MYO9B: variants seen among roughly 807,000 people sequenced by gnomAD.
MYO9B encodes the protein myosin IXB.
Under a neutral mutation model 229.5 loss-of-function variants are expected in MYO9B, and 71 were observed. The observed-to-expected ratio is 0.31, with a 90% CI of 0.26 to 0.38. The LOEUF (loss-of-function observed/expected upper bound fraction) is 0.38, where lower values mean the gene tolerates loss of function less well. MYO9B is among the 10% of genes least tolerant of loss of function. MYO9B has a pLI of 1.00. For missense variants in MYO9B, 2,255 were observed against 2,920.5 expected (o/e 0.77, Z 5.25); for synonymous variants, 1,185 against 1,235.8 (o/e 0.96, Z 0.86).
chr19:17,118,570 C>T (rs2057930315), intron 2 of MYO9B, among the ~76,000 whole-genome samples: 2 of 152,078 alleles, frequency 1.3e-5, no homozygotes, highest in South Asian at 4.1e-4. Flanking sequence ...AAACCTCCGC[C>T]TCCCAGGTTC....
At chr19:17,119,702 A>G (rs2057942935) in intron 2 of MYO9B, among the ~76,000 whole-genome samples, 1 of 152,062 alleles carries the variant, frequency 6.6e-6, no homozygotes, top group South Asian at 2.1e-4. Context: ...CCCAGGCTGG[A>G]GTGCAGTGGC....
rs1163523942 is a variant in MYO9B at position 17,173,094 on chromosome 19, C to T, written c.2140+131C>T. On this transcript the variant is annotated intron_variant, in intron 13 of 39. Transcript: ENST00000682292. ...TGTTGTGCAAACGCCACCTGTCTACCTGAAGTGTTCCTGTCACCCTGAACA... is the reference window on the plus strand; with the variant it reads ...TGTTGTGCAAACGCCACCTGTCTACTTGAAGTGTTCCTGTCACCCTGAACA... The T allele has an allele frequency of 4.5e-6, 5 of 1,123,334 alleles. No homozygotes were observed. The East Asian group carries it at 1.3e-4, about 29-fold the overall frequency. The allele number at this position is 1,123,334 out of a possible 1,614,324, so 69.6% of individuals were successfully genotyped here. A position where few individuals can be genotyped will look rare whatever the true frequency, so the allele number is the denominator to read the frequency against.
intron 2 of MYO9B, among the ~76,000 whole-genome samples, chr19:17,121,162 C>T (rs1323420641): frequency 1.3e-5 from 2 of 152,122 alleles, no homozygotes; most frequent in Non-Finnish European, 1.5e-5. Context: ...AGCCTGGTCT[C>T]GAACTCCTGG....
At chr19:17,142,868 G>A (rs1426902158) in intron 2 of MYO9B, among the ~76,000 whole-genome samples, 1 of 152,278 alleles carries the variant, frequency 6.6e-6, no homozygotes, top group South Asian at 2.1e-4. Flanking sequence ...CCCACAGGGT[G>A]TGGCTTACCC....
chr19:17,101,136 G>C lies in MYO9B; in HGVS notation c.-58-524G>C, dbSNP rs1307351654. The stretch of plus-strand genomic sequence containing the variant: ...GGGATGGAGCAAACTCAGGGGAAGG[G>C]TCAGGTCTTGGGGTTGTCTGATGAT... On this transcript the variant is annotated intron_variant, in intron 1 of 39. Coordinates refer to ENST00000682292, the MANE Select transcript of MYO9B (RefSeq NM_004145.4). This position sits in a 1 kb window ranked among gnomAD's most constrained non-coding sequence, Gnocchi z 4.7. Among the ~76,000 whole-genome samples, 1 of 151,426 alleles carries C rather than the reference G, an allele frequency of 6.6e-6. No individual in the cohort carries two copies. The highest frequency in any genetic ancestry group is 1.5e-5 in the Non-Finnish European group (1 of 67,908).
intron 2 of MYO9B, among the ~76,000 whole-genome samples, chr19:17,128,213 C>T (rs932963296): frequency 2.9e-5 from 3 of 102,722 alleles, no homozygotes; most frequent in African/African-American, 4.4e-5. Flanking sequence ...CCTATCTATA[C>T]TGAAAAAAAA....
chr19:17,093,695 G>T (rs1212204918), intron 1 of MYO9B, among the ~76,000 whole-genome samples: 6 of 28,166 alleles, frequency 2.1e-4, no homozygotes, highest in Admixed American at 1.7e-3. Context: ...GCGGGGGGTG[G>T]GGGGGGGGGT....
rs1484505855 is a variant in MYO9B at position 17,209,618 on chromosome 19, G to C, written c.5657G>C (p.Arg1886Thr). 1.2e-6 allele frequency: 2 copies of C among 1,604,644 alleles called. No individual in the cohort carries two copies. Among genetic ancestry groups the C allele is most frequent in the African/African-American group, 1.3e-5 (1 of 74,818 alleles). ...GAGATGCTGATCAAGGAGCAGATGA[G>C]GAAATACAAAGTGAAGATGGAGGAG... The part of the protein sequence containing the change: ...CVEMLIKEQM[R>T]KYKVKMEEIS... Residue 1886 changes from arginine to threonine, a missense_variant, in exon 36 of 40, where the codon AGG (arginine) becomes ACG (threonine). Arg to Thr is a moderately conservative substitution (Grantham distance 71). Transcript: ENST00000682292.
intron 15 of MYO9B, among the ~76,000 whole-genome samples, chr19:17,182,764 C>T (rs1369774586): frequency 6.6e-6 from 1 of 152,142 alleles, no homozygotes; most frequent in Non-Finnish European, 1.5e-5. Context: ...TACAAGTTAC[C>T]ATCTCCTTAG....
intron 1 of MYO9B, among the ~76,000 whole-genome samples, chr19:17,093,042 T>C (rs2057653871): frequency 1.3e-5 from 2 of 152,146 alleles, no homozygotes; most frequent in Non-Finnish European, 2.9e-5. Context: ...GATTAAGACA[T>C]GTATCTTGGC....
Position 17,167,932 on chromosome 19 carries a change from C to T in MYO9B, c.1672-11C>T, listed in dbSNP as rs761357193. On this transcript the variant is annotated splice_polypyrimidine_tract_variant and intron_variant, in intron 10 of 39. Transcript: ENST00000682292. Reference sequence around the variant, plus strand: ...GATAAGAAACTTACCGACCCCGCGCCACCCCTGCAGGAGGAATATCAGGGC... The same window carrying T: ...GATAAGAAACTTACCGACCCCGCGCTACCCCTGCAGGAGGAATATCAGGGC... 2.8e-5 allele frequency: 43 copies of T among 1,559,626 alleles called. No individual in the cohort carries two copies. Among genetic ancestry groups the T allele is most frequent in the Non-Finnish European group, 3.7e-5 (43 of 1,151,622 alleles).
chr19:17,197,447 G>C (rs868147417), intron 22 of MYO9B, among the ~76,000 whole-genome samples: 4 of 144,536 alleles, frequency 2.8e-5, no homozygotes, highest in Non-Finnish European at 4.6e-5. Context: ...TAGATAGATA[G>C]ATACATAGAT....
chr19:17,179,027 T>TAAAA (rs779765764), intron 14 of MYO9B, among the ~76,000 whole-genome samples: 2 of 96,934 alleles, frequency 2.1e-5, no homozygotes, highest in African/African-American at 3.6e-5. Flanking sequence ...CAAGACTCTG[T>TAAAA]AAAAAAAAAA....
At chr19:17,114,248 T>C (rs938504641) in intron 2 of MYO9B, among the ~76,000 whole-genome samples, 1 of 152,182 alleles carries the variant, frequency 6.6e-6, no homozygotes, top group Non-Finnish European at 1.5e-5. Context: ...TTGGTAACAT[T>C]GTGCCATTGG....
intron 36 of MYO9B, 118 bp downstream of exon 36, chr19:17,209,827 G>A (rs1283411902): frequency 8.3e-6 from 11 of 1,331,164 alleles, no homozygotes; most frequent in African/African-American, 4.4e-5. Context: ...CTTGGTGGGC[G>A]GGGCCTTGGG....
At chr19:17,209,785 G>C (rs1210393884) in intron 36 of MYO9B, 76 bp downstream of exon 36, 4 of 1,546,904 alleles carry the variant, frequency 2.6e-6, no homozygotes, top group Non-Finnish European at 3.5e-6. Context: ...CTTGGGCGTG[G>C]CTTTGTTGCT....
chr19:17,104,486 A>G (rs918053627), intron 2 of MYO9B, among the ~76,000 whole-genome samples: 1 of 152,194 alleles, frequency 6.6e-6, no homozygotes, highest in African/African-American at 2.4e-5. Context: ...AGGTGCATCC[A>G]CATGTCTCAG....
chr19:17,181,117 C>A, intron 15 of MYO9B, 77 bp downstream of exon 15: 1 of 1,014,228 alleles, frequency 9.9e-7, no homozygotes, highest in Non-Finnish European at 1.5e-6. Flanking sequence ...GCGGGGCCTG[C>A]AGTCTTCCTA....
intron 2 of MYO9B, among the ~76,000 whole-genome samples, chr19:17,109,258 G>A (rs1200435174): frequency 6.6e-6 from 1 of 150,386 alleles, no homozygotes; most frequent in African/African-American, 2.5e-5. Context: ...GTAGAGATGG[G>A]GTTTCACCGT....
Sources: gnomAD v4.1 joint callset for allele counts (sites outside exome capture counted in the v4.1 genomes callset) on GRCh38, gnomAD v4.1.1 for gene constraint, Gnocchi (gnomAD v3.1) non-coding constraint, MANE v1.5 for transcripts, NCBI Gene and HGNC (gene_info 2026-07-23, HGNC 2026-07-21) for gene names.